Variants in POLA1 observed in about 807,000 individuals in gnomAD.
POLA1 encodes DNA polymerase alpha catalytic subunit.
In POLA1, 15 loss-of-function variants were observed where a neutral mutation model predicts 124.0. The observed-to-expected ratio is 0.12, with a 90% CI of 0.08 to 0.19. The LOEUF is 0.19. POLA1 is among the 10% of genes least tolerant of loss of function. The probability of loss-of-function intolerance (pLI) is 1.00; values close to 1 mark genes in which losing one functional copy is unlikely to be tolerated. For missense variants in POLA1, 886 were observed against 1,103.4 expected (o/e 0.80, Z 2.79); for synonymous variants, 408 against 389.4 (o/e 1.05, Z -0.56).
chrX:24,890,499 A>AT (rs1249264350), intron 35 of POLA1, among the ~76,000 whole-genome samples: 26 of 111,934 alleles, frequency 2.3e-4, no homozygotes, highest in Non-Finnish European at 4.5e-4. Context: ...TGCTTAAATG[A>AT]TTTTTTCTTT....
chrX:24,952,539 G>A (rs1441327751), intron 36 of POLA1, among the ~76,000 whole-genome samples: 1 of 111,565 alleles, frequency 9.0e-6, no homozygotes, highest in African/African-American at 3.3e-5. Flanking sequence ...AAAGCAGAAG[G>A]GAAAAAAAAA....
intron 34 of POLA1, among the ~76,000 whole-genome samples, chrX:24,885,851 G>A (rs754877441): frequency 8.9e-6 from 1 of 112,383 alleles, no homozygotes; most frequent in South Asian, 3.7e-4. Context: ...ATTCTAAGGA[G>A]CTGATTGTGA....
At chrX:24,960,429 C>T (rs1351007735) in intron 36 of POLA1, among the ~76,000 whole-genome samples, 1 of 111,468 alleles carries the variant, frequency 9.0e-6, no homozygotes, top group Non-Finnish European at 1.9e-5. Context: ...CTTCGAGGAC[C>T]CAGCCCCCAC....
chrX:24,780,560 A>AT (rs1490423916), intron 26 of POLA1, among the ~76,000 whole-genome samples: 5 of 111,128 alleles, frequency 4.5e-5, no homozygotes, highest in Admixed American at 2.9e-4. Flanking sequence ...TGATCATGAG[A>AT]TTTTTTTTGT....
chrX:24,864,704 G>A (rs139637973), intron 34 of POLA1, among the ~76,000 whole-genome samples: 13 of 108,750 alleles, frequency 1.2e-4, no homozygotes, highest in Non-Finnish European at 2.5e-4. Flanking sequence ...GAAGCCTTTC[G>A]TGGACATCAC....
In POLA1 at chrX:24,748,471, T is replaced by C; in HGVS notation, c.2841+11T>C. On this transcript the variant is annotated intron_variant, in intron 25 of 36. Transcript: ENST00000379068. Reference sequence around the variant, plus strand: ...GACCTTATTCTTCAGGTATATCTTTTCACTAAGAAACATTTGAGTGACAGT... The same window carrying C: ...GACCTTATTCTTCAGGTATATCTTTCCACTAAGAAACATTTGAGTGACAGT... 5 of 1,160,006 alleles carry C rather than the reference T, an allele frequency of 4.3e-6. No homozygotes were observed. The highest frequency in any genetic ancestry group is 4.7e-6 in the Non-Finnish European group (4 of 857,574).
chrX:24,880,717 A>C (rs1569348283), intron 34 of POLA1, among the ~76,000 whole-genome samples: 1 of 111,630 alleles, frequency 9.0e-6, no homozygotes, highest in Non-Finnish European at 1.9e-5. Flanking sequence ...ACTGTGCACT[A>C]TCTATAAGGA....
At chrX:24,709,199 C>A (rs1469639622) in intron 4 of POLA1, among the ~76,000 whole-genome samples, 2 of 97,025 alleles carry the variant, frequency 2.1e-5, no homozygotes, top group East Asian at 3.5e-4. Flanking sequence ...GGGGGCTGAC[C>A]CCCCCACCTC....
chrX:24,718,985 T>C (rs1221691915), intron 10 of POLA1, among the ~76,000 whole-genome samples: 1 of 112,168 alleles, frequency 8.9e-6, no homozygotes, highest in Non-Finnish European at 1.9e-5. Context: ...GGCTGTTCGG[T>C]ATTCTTTTGT....
chrX:24,730,239 C>CT (rs942783079), intron 15 of POLA1, among the ~76,000 whole-genome samples: 12 of 109,085 alleles, frequency 1.1e-4, no homozygotes, highest in South Asian at 4.0e-4. Context: ...ATTTTCTTTT[C>CT]TTTTTTTTTC....
chrX:24,971,819 A>G (rs1483151996), intron 36 of POLA1, among the ~76,000 whole-genome samples: 2 of 111,572 alleles, frequency 1.8e-5, no homozygotes, highest in Non-Finnish European at 1.9e-5. Flanking sequence ...TAAAGGGTGA[A>G]TTTATCTCCC....
intron 36 of POLA1, among the ~76,000 whole-genome samples, chrX:24,958,206 A>G (rs923194323): frequency 3.6e-5 from 4 of 111,961 alleles, no homozygotes; most frequent in Non-Finnish European, 7.5e-5. Context: ...AGAGACACTA[A>G]GCATTGACTA....
chrX:24,996,004 T>TTGAG lies in POLA1; in HGVS notation c.*54_*55insTGAG. ...GTAGTTGAAAAATCCCAGCTTCCTC[T>TTGAG]GTGCCTCCACTCTGGCCCTAAATGC... On this transcript the variant is annotated 3_prime_UTR_variant, in exon 37 of 37. Transcript: ENST00000379068. 9.2e-7 allele frequency: 1 copy of TTGAG among 1,083,286 alleles called. No individual in the cohort carries two copies. The highest frequency in any genetic ancestry group is 1.3e-6 in the Non-Finnish European group (1 of 785,762). 89.3% of individuals were successfully genotyped at this position (1,083,286 alleles called of 1,213,427 possible). A position where few individuals can be genotyped will look rare whatever the true frequency, so the allele number is the denominator to read the frequency against.
intron 35 of POLA1, among the ~76,000 whole-genome samples, chrX:24,888,833 C>T (rs2047103845): frequency 9.2e-6 from 1 of 108,464 alleles, no homozygotes; most frequent in African/African-American, 3.4e-5. Flanking sequence ...CTCGGTCTCC[C>T]AAAGTGCTGG....
intron 3 of POLA1, among the ~76,000 whole-genome samples, chrX:24,703,821 G>A (rs1928622666): frequency 8.9e-6 from 1 of 111,838 alleles, no homozygotes; most frequent in South Asian, 3.8e-4. Flanking sequence ...GAGGTTCTAG[G>A]TATGAAAATT....
chrX:24,883,269 G>A (rs182871683), intron 34 of POLA1, among the ~76,000 whole-genome samples: 11 of 112,111 alleles, frequency 9.8e-5, no homozygotes, highest in African/African-American at 3.6e-4. Flanking sequence ...TGCATAGTTT[G>A]CAAATATTTT....
At chrX:24,782,830 T>TA (rs1224005948) in intron 26 of POLA1, among the ~76,000 whole-genome samples, 1 of 111,565 alleles carries the variant, frequency 9.0e-6, no homozygotes, top group Non-Finnish European at 1.9e-5. Flanking sequence ...TAATCTGTCT[T>TA]AATAAGGTAA....
intron 36 of POLA1, among the ~76,000 whole-genome samples, chrX:24,956,958 G>A (rs2048113561): frequency 9.0e-6 from 1 of 111,597 alleles, no homozygotes; most frequent in Non-Finnish European, 1.9e-5. Context: ...TGTGGATAAA[G>A]AAGAGAGCTG....
intron 1 of POLA1, among the ~76,000 whole-genome samples, chrX:24,697,048 G>C (rs1928057660): frequency 9.0e-6 from 1 of 111,281 alleles, no homozygotes; most frequent in Non-Finnish European, 1.9e-5. Flanking sequence ...TCTCTCCTCT[G>C]TACATTTCCT....
Sources: gnomAD v4.1 joint callset for allele counts (sites outside exome capture counted in the v4.1 genomes callset) on GRCh38, gnomAD v4.1.1 for gene constraint, MANE v1.5 for transcripts, NCBI Gene and HGNC (gene_info 2026-07-23, HGNC 2026-07-21) for gene names.